The following STX16 variants were observed in gnomAD, a reference collection of about 807,000 sequenced individuals.
The protein encoded by STX16 is syntaxin-16.
STX16 carries 28 observed loss-of-function variants against 42.7 expected under a neutral mutation model. That is an observed-to-expected ratio of 0.66 (90% CI 0.49 to 0.90). The LOEUF is 0.90. Ranked by LOEUF, STX16 falls within the 40% of genes least tolerant of loss-of-function variation. The probability of loss-of-function intolerance (pLI) is 0.00; values close to 1 mark genes in which losing one functional copy is unlikely to be tolerated. For missense variants in STX16, 361 were observed against 420.9 expected, an observed-to-expected ratio of 0.86 and a Z score of 1.24; for synonymous variants, 156 against 155.2, an observed-to-expected ratio of 1.00 and a Z score of -0.04.
chr20:58,663,251 C>T (rs987216135), intron 2 of STX16, among the ~76,000 whole-genome samples: 1 of 152,174 alleles, frequency 6.6e-6, no homozygotes, highest in African/African-American at 2.4e-5. Flanking sequence ...TTTCTGTAAT[C>T]TTAGTCTACA....
chr20:58,661,915 C>G (rs1176234202), intron 2 of STX16, among the ~76,000 whole-genome samples: 1 of 152,226 alleles, frequency 6.6e-6, no homozygotes, highest in Non-Finnish European at 1.5e-5. Flanking sequence ...GTAAAGGCAT[C>G]TGACGGCCTC....
chr20:58,672,493 A>T (rs2084004486), intron 7 of STX16, among the ~76,000 whole-genome samples: 1 of 152,082 alleles, frequency 6.6e-6, no homozygotes, highest in Non-Finnish European at 1.5e-5. Flanking sequence ...AAATATTCCA[A>T]AATCTAAAAA....
In STX16 at chr20:58,670,601, C is replaced by A; in HGVS notation, c.646C>A (p.Arg216=). 6.2e-7 allele frequency: 1 copy of A among 1,613,666 alleles called. No homozygotes were observed. The highest frequency in any genetic ancestry group is 8.5e-7 in the Non-Finnish European group (1 of 1,179,610). ...DDGDDNTLYH[R]GFTEDQLVLV... ...TGGAGACGATAACACTCTTTACCAT[C>A]GGGTACGTGAACGGGCTGCAAAGCT... Residue 216 remains arginine, a splice_region_variant and synonymous_variant, in exon 6 of 9, where the codon CGG becomes AGG. Transcript: ENST00000371141.
chr20:58,674,321 G>A (rs940139468), intron 8 of STX16, among the ~76,000 whole-genome samples: 4 of 152,128 alleles, frequency 2.6e-5, no homozygotes, highest in Admixed American at 2.0e-4. Flanking sequence ...TAGATGGAAA[G>A]CATCTTAGGA....
chr20:58,667,072 C>T, intron 2 of STX16: 1 of 291,392 alleles, frequency 3.4e-6, no homozygotes, highest in African/African-American at 2.2e-5. Context: ...CATTTACTGC[C>T]TAGTTTTTTT....
At chr20:58,663,651 TTTAC>T (rs2083751772) in intron 2 of STX16, among the ~76,000 whole-genome samples, 1 of 152,144 alleles carries the variant, frequency 6.6e-6, no homozygotes, top group Non-Finnish European at 1.5e-5. Context: ...TTTTTTTTTT[TTTAC>T]TTCAGAAGCA....
At chr20:58,655,763 A>AT (rs1415071668) in intron 1 of STX16, among the ~76,000 whole-genome samples, 1 of 152,170 alleles carries the variant, frequency 6.6e-6, no homozygotes, top group Non-Finnish European at 1.5e-5. Context: ...CAGGCCTAGC[A>AT]TTCCCGGCTC....
At chr20:58,655,905 G>T (rs2083574845) in intron 1 of STX16, among the ~76,000 whole-genome samples, 1 of 152,102 alleles carries the variant, frequency 6.6e-6, no homozygotes, top group East Asian at 1.9e-4. Flanking sequence ...AAAACTAATT[G>T]TAAAAAAACA....
chr20:58,667,319 G>T, intron 2 of STX16, 171 bp from the exon 3 acceptor site: 1 of 700,238 alleles, frequency 1.4e-6, no homozygotes. Context: ...TATAATACAG[G>T]CAAGTGCATT....
At chr20:58,668,338 A>G (rs2083888273) in intron 4 of STX16, among the ~76,000 whole-genome samples, 1 of 152,250 alleles carries the variant, frequency 6.6e-6, no homozygotes. Context: ...TTGTTGGCAG[A>G]TAACTGCTGT....
chr20:58,671,492 TA>T (rs2083977372), intron 7 of STX16, among the ~76,000 whole-genome samples, 195 bp downstream of exon 7: 1 of 151,314 alleles, frequency 6.6e-6, no homozygotes, highest in African/African-American at 2.4e-5. Flanking sequence ...ATTAATCAAA[TA>T]TTAAATTTGA....
At chr20:58,656,668 G>A (rs1055328280) in intron 1 of STX16, among the ~76,000 whole-genome samples, 3 of 152,152 alleles carry the variant, frequency 2.0e-5, no homozygotes, top group Non-Finnish European at 2.9e-5. Context: ...GGAAGCTAGC[G>A]TTAATTGGTC....
intron 5 of STX16, among the ~76,000 whole-genome samples, chr20:58,669,673 C>G (rs536353448): frequency 6.6e-6 from 1 of 152,202 alleles, no homozygotes; most frequent in African/African-American, 2.4e-5. Flanking sequence ...GGGAGGGCAC[C>G]AAGATAGTTC....
intron 2 of STX16, among the ~76,000 whole-genome samples, chr20:58,660,005 G>T (rs2083664367): frequency 6.6e-6 from 1 of 152,160 alleles, no homozygotes; most frequent in Middle Eastern, 3.2e-3. Context: ...AGTATAGAAG[G>T]CCAGCATGTC....
chr20:58,661,592 G>A (rs968066915), intron 2 of STX16, among the ~76,000 whole-genome samples: 4 of 152,242 alleles, frequency 2.6e-5, no homozygotes, highest in African/African-American at 9.6e-5. Context: ...TTTTCATGAA[G>A]TGTGGCTTCC....
chr20:58,653,665 A>G (rs376044192), intron 1 of STX16, among the ~76,000 whole-genome samples: 3 of 152,242 alleles, frequency 2.0e-5, no homozygotes, highest in East Asian at 3.8e-4. Flanking sequence ...CAATTCCTTA[A>G]TGGAACTTCA....
At chr20:58,655,702 G>A (rs975838563) in intron 1 of STX16, among the ~76,000 whole-genome samples, 1 of 151,988 alleles carries the variant, frequency 6.6e-6, no homozygotes, top group African/African-American at 2.4e-5. Context: ...TGTTCCTTCG[G>A]GTCTTCCTTC....
In STX16 at chr20:58,651,641, T is replaced by C. The variant is rs2083456782; in HGVS notation, c.-366T>C. 8.8e-6 allele frequency: 2 copies of C among 226,704 alleles called. No individual in the cohort carries two copies. The highest frequency in any genetic ancestry group is 2.3e-4 in the East Asian group (2 of 8,664). 14.0% of individuals were successfully genotyped at this position (226,704 alleles called of 1,614,324 possible). A position where few individuals can be genotyped will look rare whatever the true frequency, so the allele number is the denominator to read the frequency against. On this transcript the variant is annotated 5_prime_UTR_variant, in exon 1 of 9. Coordinates refer to ENST00000371141, the MANE Select transcript of STX16 (RefSeq NM_001001433.3). ...CGGGGGGTCTCAGGGAGTAGGGGGC[T>C]TCAGGGCCTCCCAGTCTAGAGCCGG...
At position 58,652,124 on chromosome 20, in the gene STX16, C is replaced by A. The variant is rs573000558; in HGVS notation, c.118C>A (p.Arg40Ser). Residue 40 changes from arginine to serine, a missense_variant, in exon 1 of 9, where the codon CGT becomes AGT. Arg to Ser is a moderately radical substitution (Grantham distance 110). Transcript: ENST00000371141. ...SHITSSPLHS[R>S]SIAAELDELA... ...CATCACCTCCAGCCCTCTGCATTCA[C>A]GTAGCATTGCTGCGGTGAGTCTCCT... is the stretch of plus-strand genomic sequence containing the variant. 6.2e-7 allele frequency: 1 copy of A among 1,614,074 alleles called. No homozygotes were observed. Among genetic ancestry groups the A allele is most frequent in the South Asian group, 1.1e-5 (1 of 91,082 alleles).
Sources: allele counts gnomAD v4.1 joint callset (sites outside exome capture counted in the v4.1 genomes callset), GRCh38; gene constraint gnomAD v4.1.1; transcripts MANE v1.5; gene names NCBI Gene and HGNC (gene_info 2026-07-23, HGNC 2026-07-21).